CADM2: variants seen among roughly 807,000 people sequenced by gnomAD.
CADM2 encodes the protein immunoglobulin superfamily member 4D.
CADM2 carries 12 observed loss-of-function variants against 49.8 expected under a neutral mutation model. That is an observed-to-expected ratio of 0.24 (90% CI 0.15 to 0.39). The LOEUF (loss-of-function observed/expected upper bound fraction) is 0.39. CADM2 is among the 10% of genes least tolerant of loss of function. The pLI is 1.00. For missense variants in CADM2, 378 were observed against 492.3 expected, an observed-to-expected ratio of 0.77 and a Z score of 2.20; for synonymous variants, 214 against 175.4, an observed-to-expected ratio of 1.22 and a Z score of -1.74.
At chr3:85,248,973 G>T (rs2042714489) in intron 1 of CADM2, among the ~76,000 whole-genome samples, 1 of 152,080 alleles carries the variant, frequency 6.6e-6, no homozygotes, top group African/African-American at 2.4e-5. Context: ...AGATACAGTA[G>T]AATTAATAAA....
At chr3:85,806,820 G>C (rs759956778) in intron 3 of CADM2, among the ~76,000 whole-genome samples, 1 of 152,126 alleles carries the variant, frequency 6.6e-6, no homozygotes, top group Non-Finnish European at 1.5e-5. Flanking sequence ...TAGGAGTCTA[G>C]TGGGGGAATT....
At chr3:85,030,494 T>G (rs2034931350) in intron 1 of CADM2, among the ~76,000 whole-genome samples, 1 of 152,226 alleles carries the variant, frequency 6.6e-6, no homozygotes, top group Non-Finnish European at 1.5e-5. Context: ...AATAATAGAC[T>G]GCTTTTCTCA....
intron 1 of CADM2, among the ~76,000 whole-genome samples, chr3:85,523,174 A>G (rs2061068571): frequency 6.6e-6 from 1 of 152,072 alleles, no homozygotes; most frequent in Admixed American, 6.6e-5. Flanking sequence ...TATTTCTTGC[A>G]CTTGAAGCAG....
rs544630698 is a variant in CADM2 at position 85,241,125 on chromosome 3, A to G, written c.61+281457A>G. Among the ~76,000 whole-genome samples, 213 of 151,680 alleles carry G rather than the reference A, an allele frequency of 1.4e-3. 2 individuals carry two copies. The highest frequency in any genetic ancestry group is 6.6e-3 in the South Asian group (32 of 4,820). The stretch of plus-strand genomic sequence containing the variant: ...TTCCTGGGTGTTCATGTGTTTAATT[A>G]TAAATGTAATAGACTTAACCTACTC... On this transcript the variant is annotated intron_variant, in intron 1 of 9. Transcript: ENST00000383699.
At chr3:85,792,955 G>C (rs888397147) in intron 2 of CADM2, among the ~76,000 whole-genome samples, 1 of 152,084 alleles carries the variant, frequency 6.6e-6, no homozygotes, top group Admixed American at 6.6e-5. Flanking sequence ...TAGTGTGCTG[G>C]ATTCTTGGTG....
intron 7 of CADM2, among the ~76,000 whole-genome samples, chr3:85,952,103 A>G (rs1449719800): frequency 6.6e-6 from 1 of 150,960 alleles, no homozygotes; most frequent in Non-Finnish European, 1.5e-5. Context: ...TGGAAGTAAC[A>G]ATGATGACAA....
Position 84,986,764 on chromosome 3 carries a change from T to TAA in CADM2, c.61+27105_61+27106dup, listed in dbSNP as rs34829701. ...AACTTAAAGTATAATAATAATAAAA[T>TAA]AAAAAAAAAAGAAGCATACTCACTT... On this transcript the variant is annotated intron_variant, in intron 1 of 9. Transcript: ENST00000383699. Among the ~76,000 whole-genome samples the TAA allele has an allele frequency of 1.0e-3, 146 of 146,724 alleles. 2 individuals are homozygous for TAA. The highest frequency in any genetic ancestry group is 6.6e-3 in the South Asian group (31 of 4,692).
chr3:85,147,707 C>T (rs1003733280), intron 1 of CADM2, among the ~76,000 whole-genome samples: 1 of 151,984 alleles, frequency 6.6e-6, no homozygotes, highest in Admixed American at 6.6e-5. Context: ...GAATTAATAT[C>T]TATCTATAAA....
At chr3:85,603,283 G>A (rs2063461368) in intron 1 of CADM2, among the ~76,000 whole-genome samples, 1 of 151,862 alleles carries the variant, frequency 6.6e-6, no homozygotes, top group Non-Finnish European at 1.5e-5. Flanking sequence ...ACATGCCATT[G>A]ACAATTCTTT....
At chr3:85,402,924 T>C (rs1003638892) in intron 1 of CADM2, among the ~76,000 whole-genome samples, 1 of 152,136 alleles carries the variant, frequency 6.6e-6, no homozygotes, top group East Asian at 1.9e-4. Flanking sequence ...AATATAGATA[T>C]AGATATACAG....
At chr3:85,913,887 G>A (rs1717944092) in intron 6 of CADM2, among the ~76,000 whole-genome samples, 2 of 152,076 alleles carry the variant, frequency 1.3e-5, no homozygotes. Context: ...GGAAGGGCAA[G>A]TACAAAGACC....
chr3:85,717,226 G>T (rs1015847830), intron 1 of CADM2, among the ~76,000 whole-genome samples: 3 of 147,218 alleles, frequency 2.0e-5, no homozygotes, highest in African/African-American at 4.8e-5. Context: ...CTTGTAAGTT[G>T]TGTTCCTAGG....
intron 8 of CADM2, among the ~76,000 whole-genome samples, chr3:86,029,414 T>C (rs1026190287): frequency 6.6e-6 from 1 of 151,906 alleles, no homozygotes; most frequent in East Asian, 1.9e-4. Flanking sequence ...TTAGAAGGAT[T>C]TAATAGATCG....
At chr3:85,796,607 T>A (rs567155337) in intron 2 of CADM2, among the ~76,000 whole-genome samples, 1 of 152,306 alleles carries the variant, frequency 6.6e-6, no homozygotes, top group East Asian at 1.9e-4. Flanking sequence ...GGCTTAATTT[T>A]GTAAGGTGAT....
At chr3:85,030,905 A>G (rs2034946728) in intron 1 of CADM2, among the ~76,000 whole-genome samples, 1 of 152,052 alleles carries the variant, frequency 6.6e-6, no homozygotes. Flanking sequence ...GTATACTAAA[A>G]TTAGTTTAAC....
chr3:85,841,037 A>G (rs2074616193), intron 3 of CADM2, among the ~76,000 whole-genome samples: 2 of 151,830 alleles, frequency 1.3e-5, no homozygotes. Context: ...GACTGTAATA[A>G]TTGAAATAAT....
intron 1 of CADM2, among the ~76,000 whole-genome samples, chr3:85,030,015 T>A (rs761070969): frequency 6.6e-6 from 1 of 152,212 alleles, no homozygotes; most frequent in African/African-American, 2.4e-5. Flanking sequence ...AATTCTTAAC[T>A]CTCACAGATT....
chr3:85,962,983 G>T (rs1413029949), intron 8 of CADM2, among the ~76,000 whole-genome samples: 2 of 151,734 alleles, frequency 1.3e-5, no homozygotes, highest in African/African-American at 4.8e-5. Context: ...AAATTTGGGG[G>T]TCTAGTATAT....
At chr3:85,346,209 C>A (rs1279215745) in intron 1 of CADM2, among the ~76,000 whole-genome samples, 2 of 152,094 alleles carry the variant, frequency 1.3e-5, no homozygotes, top group Non-Finnish European at 2.9e-5. Flanking sequence ...AGGCATTGAA[C>A]CCTTTATTAA....
Sources: gnomAD v4.1 joint callset for allele counts (sites outside exome capture counted in the v4.1 genomes callset) on GRCh38, gnomAD v4.1.1 for gene constraint, MANE v1.5 for transcripts, NCBI Gene and HGNC (gene_info 2026-07-23, HGNC 2026-07-21) for gene names.